Variants in HLCS observed in about 807,000 individuals in gnomAD.
HLCS encodes holocarboxylase synthetase.
In HLCS, 53 loss-of-function variants were observed where a neutral mutation model predicts 75.0. The ratio of observed to expected loss-of-function variants is 0.71; its 90% CI spans 0.57 to 0.89. The LOEUF is 0.89. Among genes scored for constraint, HLCS ranks in the 40% least tolerant of loss-of-function variants. The pLI, the probability that HLCS is intolerant of heterozygous loss-of-function variation, is 0.00. For synonymous variants in HLCS, 431 were observed against 428.6 expected, an observed-to-expected ratio of 1.01 and a Z score of -0.07; for missense variants, 966 against 1,074.0, an observed-to-expected ratio of 0.90 and a Z score of 1.41.
rs775448216 is a variant in HLCS at position 36,936,568 on chromosome 21, C to G, written c.1318G>C (p.Glu440Gln). The G allele has an allele frequency of 1.8e-5, 29 of 1,614,096 alleles. No homozygotes were observed. Among genetic ancestry groups the G allele is most frequent in the Non-Finnish European group, 2.3e-5 (27 of 1,180,046 alleles). Residue 440 changes from glutamate to glutamine, a missense_variant, in exon 4 of 11, where the codon GAA (glutamate) becomes CAA (glutamine). Coordinates refer to ENST00000674895, the MANE Select transcript of HLCS (RefSeq NM_001352514.2). ...CCGGGGCTGAGCCGGACGGGGCCTT[C>G]CTGGTACCTGCAGCCACTGCTCAAG... ...SVLSSGCRYQEGPVRLSPGRL... is the reference protein window; with the variant it reads ...SVLSSGCRYQQGPVRLSPGRL...
At chr21:36,953,545 A>G (rs987535370) in intron 2 of HLCS, among the ~76,000 whole-genome samples, 4 of 152,190 alleles carry the variant, frequency 2.6e-5, no homozygotes, top group Non-Finnish European at 5.9e-5. Context: ...TCCCACTGTT[A>G]TACAACTTAG....
intron 6 of HLCS, among the ~76,000 whole-genome samples, chr21:36,781,124 A>G (rs2145836867): frequency 6.6e-6 from 1 of 152,144 alleles, no homozygotes; most frequent in East Asian, 1.9e-4. Flanking sequence ...TGCGCATGCA[A>G]GGGATCTAGG....
intron 7 of HLCS, among the ~76,000 whole-genome samples, chr21:36,766,466 T>C (rs1278829175): frequency 6.6e-6 from 1 of 152,272 alleles, no homozygotes; most frequent in Non-Finnish European, 1.5e-5. Context: ...AAAACATTTT[T>C]TTTTTCCATT....
At chr21:36,768,215 T>C (rs960178555) in intron 6 of HLCS, among the ~76,000 whole-genome samples, 4 of 152,226 alleles carry the variant, frequency 2.6e-5, no homozygotes, top group African/African-American at 9.6e-5. Context: ...CTTTGATTTT[T>C]TTCTTTTCTT....
At chr21:36,882,545 A>G (rs112256439) in intron 6 of HLCS, among the ~76,000 whole-genome samples, 19,905 of 151,090 alleles carry the variant, frequency 0.13, 2,775 homozygotes, top group African/African-American at 0.35. Flanking sequence ...GGTTCAAGCA[A>G]TTCTCCTGCC....
intron 6 of HLCS, among the ~76,000 whole-genome samples, chr21:36,835,621 C>T (rs1394516354): frequency 6.6e-6 from 1 of 152,194 alleles, no homozygotes; most frequent in Non-Finnish European, 1.5e-5. Flanking sequence ...AGGCAGGCCA[C>T]ACCCAGCCTC....
upstream of HLCS, chr21:36,966,732 C>G (rs1250316908): frequency 4.0e-6 from 2 of 502,532 alleles, no homozygotes; most frequent in Non-Finnish European, 5.1e-6. Context: ...CGCCGCCCCC[C>G]CGGGCCAGGC....
chr21:36,834,593 G>C (rs939489391), intron 6 of HLCS, among the ~76,000 whole-genome samples: 10 of 152,112 alleles, frequency 6.6e-5, no homozygotes, highest in Non-Finnish European at 1.3e-4. Context: ...GTCTCACTCT[G>C]TCGCCAGGCT....
chr21:36,965,731 A>ATT lies in HLCS; in HGVS notation c.195+711_195+712dup, dbSNP rs35275580. Among the ~76,000 whole-genome samples the ATT allele has an allele frequency of 2.9e-3, 408 of 141,978 alleles. 1 individual carries two copies. The highest frequency in any genetic ancestry group is 3.7e-3 in the Middle Eastern group (1 of 270). The allele number at this position is 141,978 out of a possible 152,430, so 93.1% of individuals were successfully genotyped here. ...CACAGGTGGGAGTTTTTTGTTTGGG[A>ATT]TTTTTTTTTTTTTTTCTTAAGACAG... On this transcript the variant is annotated intron_variant, in intron 1 of 10. Transcript: ENST00000674895.
At chr21:36,848,682 T>C (rs1026629092) in intron 6 of HLCS, among the ~76,000 whole-genome samples, 2 of 152,386 alleles carry the variant, frequency 1.3e-5, no homozygotes, top group Non-Finnish European at 1.5e-5. Context: ...GAGAATTTTA[T>C]TATTGTAGAC....
intron 6 of HLCS, among the ~76,000 whole-genome samples, chr21:36,831,725 A>C (rs1251216323): frequency 6.6e-6 from 1 of 152,210 alleles, no homozygotes; most frequent in Non-Finnish European, 1.5e-5. Context: ...GTATCACAGC[A>C]GCTATGTCAT....
At chr21:36,927,060 C>A (rs1255606601) in intron 5 of HLCS, among the ~76,000 whole-genome samples, 1 of 152,156 alleles carries the variant, frequency 6.6e-6, no homozygotes, top group East Asian at 1.9e-4. Flanking sequence ...CTTCTTTCTA[C>A]GGAGATAGGT....
chr21:36,917,186 T>C lies in HLCS; in HGVS notation c.1620+13065A>G, dbSNP rs149807775. On this transcript the variant is annotated intron_variant, in intron 5 of 10. Transcript: ENST00000674895. ...GCCCTGCCAGCTCCTACATGATCTG[T>C]AGATTTTTGTTCTGCTGTTAATCGT... 1.1e-4 allele frequency among the ~76,000 whole-genome samples: 17 copies of C among 152,332 alleles called. No individual in the cohort carries two copies. In the East Asian group the frequency reaches 3.1e-3, roughly 28 times the overall value.
intron 6 of HLCS, among the ~76,000 whole-genome samples, chr21:36,774,715 G>C (rs2060305837): frequency 6.6e-6 from 1 of 152,092 alleles, no homozygotes; most frequent in African/African-American, 2.4e-5. Context: ...TCTCTATCTG[G>C]GCTAAAAACC....
Position 36,938,855 on chromosome 21 carries a change from C to A in HLCS, c.470G>T (p.Gly157Val), listed in dbSNP as rs745983938. 16 of 1,614,038 alleles carry A rather than the reference C, an allele frequency of 9.9e-6. No individual in the cohort carries two copies. The highest frequency in any genetic ancestry group is 1.4e-5 in the Non-Finnish European group (16 of 1,180,010). Reference protein sequence around the residue: ...FMEDRLHMDNGLVPQKIVSVH... With the variant: ...FMEDRLHMDNVLVPQKIVSVH... ...ACACACAATCTTTTGGGGTACCAGT[C>A]CATTATCCATGTGGAGTCTATCTTC... Residue 157 changes from glycine (G) to valine (V), a missense_variant, in exon 3 of 11, where the codon GGA becomes GTA. Coordinates refer to ENST00000674895, the MANE Select transcript of HLCS (RefSeq NM_001352514.2).
chr21:36,772,864 C>T (rs989408675), intron 6 of HLCS, among the ~76,000 whole-genome samples: 18 of 151,350 alleles, frequency 1.2e-4, no homozygotes, highest in Non-Finnish European at 2.2e-4. Flanking sequence ...ACCTGTAGTC[C>T]CAGCTACTCG....
chr21:36,976,939 C>T (rs946603154), intron 1 of HLCS, among the ~76,000 whole-genome samples: 31 of 152,084 alleles, frequency 2.0e-4, no homozygotes, highest in African/African-American at 7.2e-4. Context: ...CTGTGGTCCT[C>T]GTACATTTAC....
chr21:36,805,977 A>G (rs1226949232), intron 6 of HLCS: 1 of 152,168 alleles, frequency 6.6e-6, no homozygotes, highest in Admixed American at 6.5e-5. Context: ...ACAGTTTGCA[A>G]ATGGTACAAT....
chr21:36,966,429 GC>G lies in HLCS; in HGVS notation c.195+14del, dbSNP rs2068586629. ...CTCGCGGGGCCCGGGTCGCCCGCCC[GC>G]CCGACCCGCCCACCTGGCTGTCGCT... On this transcript the variant is annotated intron_variant, in intron 1 of 10. Transcript: ENST00000674895. 2.2e-4 allele frequency: 32 copies of G among 145,832 alleles called. 1 individual carries two copies. In the South Asian group the frequency reaches 9.0e-3, roughly 41 times the overall value. 9.0% of individuals were successfully genotyped at this position (145,832 alleles called of 1,614,324 possible).
Sources: gnomAD v4.1 joint callset for allele counts (sites outside exome capture counted in the v4.1 genomes callset) on GRCh38, gnomAD v4.1.1 for gene constraint, MANE v1.5 for transcripts, NCBI Gene and HGNC (gene_info 2026-07-23, HGNC 2026-07-21) for gene names.